Variants in THADA observed in about 807,000 individuals in gnomAD.
THADA encodes the protein THADA armadillo repeat containing.
A neutral mutation model predicts 219.8 loss-of-function variants in THADA; 213 were observed. That is an observed-to-expected ratio of 0.97 (90% CI 0.87 to 1.09). The LOEUF (loss-of-function observed/expected upper bound fraction) is 1.09, where lower values mean the gene tolerates loss of function less well. THADA is among the 50% of genes least tolerant of loss of function. The pLI, the probability that THADA is intolerant of heterozygous loss-of-function variation, is 0.00. For missense variants in THADA, 2,956 were observed against 2,311.3 expected, an observed-to-expected ratio of 1.28 and a Z score of -5.72; for synonymous variants, 1,018 against 828.9, an observed-to-expected ratio of 1.23 and a Z score of -3.92.
chr2:43,553,252 C>T (rs2103889906), intron 17 of THADA, among the ~76,000 whole-genome samples: 1 of 152,266 alleles, frequency 6.6e-6, no homozygotes, highest in East Asian at 1.9e-4. Flanking sequence ...TTTCATTTCT[C>T]TTAGGTATAT....
At chr2:43,288,157 G>A (rs955292597) in intron 34 of THADA, among the ~76,000 whole-genome samples, 4 of 152,346 alleles carry the variant, frequency 2.6e-5, no homozygotes, top group East Asian at 1.9e-4. Context: ...AGTGGCTCAC[G>A]GCTATAATCC....
At chr2:43,296,139 C>T (rs1028780818) in intron 31 of THADA, among the ~76,000 whole-genome samples, 6 of 151,854 alleles carry the variant, frequency 4.0e-5, no homozygotes, top group Non-Finnish European at 7.4e-5. Context: ...AGGCTGGTTT[C>T]GAACTCCTGA....
chr2:43,562,170 C>T (rs1698144395), intron 15 of THADA: 1 of 152,088 alleles, frequency 6.6e-6, no homozygotes, highest in Admixed American at 6.6e-5. Flanking sequence ...GGGTTTTTGC[C>T]TCTATATCCA....
At chr2:43,448,207 T>C (rs1440024036) in intron 26 of THADA, among the ~76,000 whole-genome samples, 1 of 152,180 alleles carries the variant, frequency 6.6e-6, no homozygotes, top group African/African-American at 2.4e-5. Context: ...ATGGGTCTAG[T>C]GTAACTATTT....
intron 15 of THADA, chr2:43,563,221 A>T (rs2103954883): frequency 6.6e-6 from 1 of 152,310 alleles, no homozygotes; most frequent in East Asian, 1.9e-4. Flanking sequence ...TTTTGCTGCA[A>T]TGCATAAGTT....
intron 36 of THADA, among the ~76,000 whole-genome samples, chr2:43,270,840 T>G (rs1672035001): frequency 6.6e-6 from 1 of 152,124 alleles, no homozygotes; most frequent in Non-Finnish European, 1.5e-5. Context: ...GCCAGAGTGA[T>G]GCCATGAGAC....
At chr2:43,393,911 C>T (rs1673710132) in intron 29 of THADA, among the ~76,000 whole-genome samples, 1 of 152,148 alleles carries the variant, frequency 6.6e-6, no homozygotes, top group African/African-American at 2.4e-5. Context: ...AACCCTTCCT[C>T]ATGATTGGTG....
chr2:43,448,331 T>C (rs79618480), intron 26 of THADA, among the ~76,000 whole-genome samples: 1,739 of 152,298 alleles, frequency 0.011, 32 homozygotes, highest in Non-Finnish European at 0.013. Context: ...GGCGGGCAAC[T>C]ATGCACATGC....
chr2:43,335,956 G>A (rs1328230067), intron 30 of THADA, among the ~76,000 whole-genome samples: 2 of 152,042 alleles, frequency 1.3e-5, no homozygotes, highest in African/African-American at 4.8e-5. Context: ...CCTTAGCCGG[G>A]TGTGGTGGCG....
At chr2:43,404,072 A>T (rs1276740313) in intron 28 of THADA, among the ~76,000 whole-genome samples, 1 of 152,216 alleles carries the variant, frequency 6.6e-6, no homozygotes, top group Non-Finnish European at 1.5e-5. Context: ...CAAGCCAACT[A>T]GTGCCTTTGC....
Position 43,572,961 on chromosome 2 carries a change from A to C in THADA, c.1761T>G (p.Ser587=), listed in dbSNP as rs1460749438. The C allele has an allele frequency of 6.2e-7, 1 of 1,613,822 alleles. No homozygotes were observed. Among genetic ancestry groups the C allele is most frequent in the African/African-American group, 1.3e-5 (1 of 74,926 alleles). The change falls in exon 12 of 38, where the codon TCT becomes TCG. Residue 587 remains serine, a synonymous_variant. Transcript: ENST00000405975. ...CTCCCAGAGCCCCCCTGCTATTACA[A>C]GACCCTAAGGATGGGAAAGATTGCT... ...GQEQSFPSLG[S]CNSRGALGAL...
intron 28 of THADA, among the ~76,000 whole-genome samples, chr2:43,423,252 T>C (rs539427843): frequency 6.6e-5 from 10 of 152,310 alleles, no homozygotes; most frequent in South Asian, 6.2e-4. Flanking sequence ...ATTTTTTTTA[T>C]GGCTACTTTT....
In THADA at chr2:43,396,783, C is replaced by T. The variant is rs182505272; in HGVS notation, c.4227+1188G>A. Among the ~76,000 whole-genome samples, 211 of 151,484 alleles carry T rather than the reference C, an allele frequency of 1.4e-3. 2 individuals are homozygous for T. Among genetic ancestry groups the T allele is most frequent in the Admixed American group, 0.014 (206 of 15,212 alleles). On this transcript the variant is annotated intron_variant, in intron 29 of 37. Coordinates refer to ENST00000405975, the MANE Select transcript of THADA (RefSeq NM_022065.5). ...CCGAGACTGCACCACTGCACTCCTG[C>T]CTGGGAAACAGTGTAAGACCCTGTC...
intron 31 of THADA, among the ~76,000 whole-genome samples, chr2:43,295,794 T>C (rs1458189963): frequency 6.6e-6 from 1 of 152,130 alleles, no homozygotes; most frequent in South Asian, 2.1e-4. Flanking sequence ...ATATAGAGTA[T>C]TTATGTAACA....
intron 20 of THADA, among the ~76,000 whole-genome samples, chr2:43,548,919 G>A (rs13409441): frequency 0.056 from 8,538 of 152,192 alleles, 775 homozygotes; most frequent in African/African-American, 0.19. Context: ...AGATGAACCC[G>A]GTACCTCAGA....
chr2:43,337,694 T>TACATAC (rs1475639108), intron 30 of THADA, among the ~76,000 whole-genome samples: 4 of 146,302 alleles, frequency 2.7e-5, no homozygotes, highest in African/African-American at 7.5e-5. Context: ...CACACACTCA[T>TACATAC]ACACACACAC....
chr2:43,398,204 C>A, intron 28 of THADA, 65 bp from the exon 29 acceptor site: 2 of 1,532,832 alleles, frequency 1.3e-6, no homozygotes, highest in South Asian at 1.2e-5. Flanking sequence ...TTTGTATATA[C>A]TTACATTCTA....
At chr2:43,351,630 T>C (rs1005253330) in intron 29 of THADA, among the ~76,000 whole-genome samples, 81 of 152,210 alleles carry the variant, frequency 5.3e-4, no homozygotes, top group African/African-American at 1.8e-3. Context: ...TTCTAGAGTA[T>C]AGAGCTCTTT....
chr2:43,487,720 G>C (rs1380538444), intron 25 of THADA, among the ~76,000 whole-genome samples: 1 of 152,190 alleles, frequency 6.6e-6, no homozygotes, highest in Admixed American at 6.5e-5. Flanking sequence ...GCCCCAGTGA[G>C]CTGCCTCACT....
Sources: allele counts gnomAD v4.1 joint callset (sites outside exome capture counted in the v4.1 genomes callset), GRCh38; gene constraint gnomAD v4.1.1; transcripts MANE v1.5; gene names NCBI Gene and HGNC (gene_info 2026-07-23, HGNC 2026-07-21).